The following CEP128 variants were observed in gnomAD, a reference collection of about 807,000 sequenced individuals.
CEP128 encodes the protein centrosomal protein 128kDa.
A neutral mutation model predicts 156.7 loss-of-function variants in CEP128; 132 were observed. The observed-to-expected ratio is 0.84, with a 90% confidence interval of 0.73 to 0.97. CEP128 has a LOEUF of 0.97. Ranked by LOEUF, CEP128 falls within the 50% of genes least tolerant of loss-of-function variation. The pLI is 0.00. For synonymous variants in CEP128, 469 were observed against 448.9 expected, an observed-to-expected ratio of 1.04 and a Z score of -0.57; for missense variants, 1,252 against 1,281.9, an observed-to-expected ratio of 0.98 and a Z score of 0.36.
intron 19 of CEP128, among the ~76,000 whole-genome samples, chr14:80,613,550 C>A (rs897750060): frequency 2.0e-5 from 3 of 151,700 alleles, no homozygotes; most frequent in African/African-American, 4.8e-5. Context: ...ACCTTGTGAT[C>A]CACCTGCCTC....
At chr14:80,642,850 G>A (rs756260106) in intron 19 of CEP128, among the ~76,000 whole-genome samples, 1 of 151,662 alleles carries the variant, frequency 6.6e-6, no homozygotes, top group Non-Finnish European at 1.5e-5. Context: ...CAGCCTCCCA[G>A]TTCAGGCAAT....
intron 9 of CEP128, among the ~76,000 whole-genome samples, chr14:80,850,260 A>G (rs992172410): frequency 6.6e-6 from 1 of 152,152 alleles, no homozygotes; most frequent in African/African-American, 2.4e-5. Flanking sequence ...AGTTAATTAG[A>G]TTTTTTTCAT....
intron 9 of CEP128, among the ~76,000 whole-genome samples, chr14:80,848,929 AC>A (rs1206939762): frequency 1.3e-5 from 2 of 152,076 alleles, no homozygotes; most frequent in Middle Eastern, 3.4e-3. Context: ...CAAAAAAAAA[AC>A]AAAAGAAACC....
chr14:80,649,890 G>T (rs1454964029), intron 19 of CEP128, among the ~76,000 whole-genome samples: 1 of 152,090 alleles, frequency 6.6e-6, no homozygotes, highest in African/African-American at 2.4e-5. Context: ...GATTGTCTCG[G>T]CTATGTGGGC....
Position 80,504,957 on chromosome 14 carries a change from C to A in CEP128, c.3136G>T (p.Asp1046Tyr), listed in dbSNP as rs1383642957. The A allele has an allele frequency of 6.2e-7, 1 of 1,606,688 alleles. No homozygotes were observed. The part of the protein sequence containing the change: ...RGLDHSSSWQ[D>Y]HSRFLSSPRF... ...GGACTAGACAGGAAGCGACTGTGAT[C>A]CTGCCAAGAGGATGAGTGATCTAAC... The change falls in exon 24 of 25, where the codon GAT becomes TAT. Residue 1046 changes from aspartate to tyrosine, a missense_variant. Transcript: ENST00000555265.
chr14:80,717,408 A>C (rs546113154), intron 19 of CEP128, among the ~76,000 whole-genome samples: 1 of 152,320 alleles, frequency 6.6e-6, no homozygotes, highest in Non-Finnish European at 1.5e-5. Context: ...GGTCAATTCA[A>C]ATCAGCTGGC....
chr14:80,743,234 CTT>C lies in CEP128; in HGVS notation c.2645_2646del (p.Lys882ArgfsTer25), dbSNP rs750150275. 6.2e-7 allele frequency: 1 copy of C among 1,613,282 alleles called. No homozygotes were observed. The highest frequency in any genetic ancestry group is 8.5e-7 in the Non-Finnish European group (1 of 1,179,638). On this transcript the variant is annotated frameshift_variant, in exon 19 of 25. Transcript: ENST00000555265. LOFTEE classifies it high-confidence loss of function. ...TKLQWLCEEL[K>X]ERENREKNLR... ...AGATTTTTCTCTCTGTTTTCTCTCT[CTT>C]TCAGTTCCTCACAGAGCCACTGAAG...
In CEP128 at chr14:80,560,141, G is replaced by A. The variant is rs370777086; in HGVS notation, c.2857-839C>T. Among the ~76,000 whole-genome samples the A allele has an allele frequency of 1.5e-3, 225 of 152,238 alleles. 1 individual carries two copies. The highest frequency in any genetic ancestry group is 5.1e-3 in the African/African-American group (214 of 41,564). ...GTTTTCTCTTATTTTAAGAACTGGA[G>A]GAGGTCAGGTGCAATGCCTCACACC... On this transcript the variant is annotated intron_variant, in intron 20 of 24. Coordinates refer to ENST00000555265, the MANE Select transcript of CEP128 (RefSeq NM_152446.5).
At chr14:80,891,435 A>C (rs1889094434) in intron 8 of CEP128, among the ~76,000 whole-genome samples, 1 of 152,108 alleles carries the variant, frequency 6.6e-6, no homozygotes, top group Non-Finnish European at 1.5e-5. Context: ...CATTATGTTA[A>C]GTGAAATAAG....
intron 8 of CEP128, among the ~76,000 whole-genome samples, chr14:80,888,953 G>A (rs1026149666): frequency 6.6e-6 from 1 of 151,856 alleles, no homozygotes; most frequent in African/African-American, 2.4e-5. Flanking sequence ...AAAATCAATG[G>A]GCAAAAATCA....
intron 13 of CEP128, among the ~76,000 whole-genome samples, chr14:80,798,313 A>C (rs1456437668): frequency 6.6e-6 from 1 of 152,230 alleles, no homozygotes; most frequent in Non-Finnish European, 1.5e-5. Context: ...TAATTATGTT[A>C]AGATTTATTA....
intron 2 of CEP128, chr14:80,955,686 G>T (rs750257586): frequency 2.5e-6 from 4 of 1,613,892 alleles, no homozygotes; most frequent in African/African-American, 2.7e-5. Context: ...GGAAAATGAG[G>T]CCGGCGGACT....
intron 2 of CEP128, among the ~76,000 whole-genome samples, chr14:80,954,561 A>G (rs1334496503): frequency 6.6e-6 from 1 of 152,170 alleles, no homozygotes; most frequent in East Asian, 1.9e-4. Context: ...TTTCTAGTCA[A>G]TCTTTCCTAA....
intron 19 of CEP128, among the ~76,000 whole-genome samples, chr14:80,722,262 C>T (rs930650220): frequency 4.6e-5 from 7 of 152,070 alleles, no homozygotes; most frequent in Non-Finnish European, 7.4e-5. Context: ...AAACACCCAG[C>T]GTCATGCCAT....
At chr14:80,538,688 T>C (rs967406723) in intron 21 of CEP128, among the ~76,000 whole-genome samples, 1 of 152,212 alleles carries the variant, frequency 6.6e-6, no homozygotes, top group Non-Finnish European at 1.5e-5. Context: ...TCAGCACGCA[T>C]ATCATCAACT....
At chr14:80,830,038 C>T (rs893085079) in intron 13 of CEP128, 10 of 383,892 alleles carry the variant, frequency 2.6e-5, no homozygotes, top group African/African-American at 2.1e-4. Flanking sequence ...ATCCAACATA[C>T]TTTCTTTTTA....
chr14:80,697,835 A>C (rs1896940927), intron 19 of CEP128, among the ~76,000 whole-genome samples: 1 of 151,950 alleles, frequency 6.6e-6, no homozygotes, highest in Non-Finnish European at 1.5e-5. Flanking sequence ...AACCAGATAC[A>C]CTTCAACATT....
chr14:80,587,449 C>G (rs759552450), intron 19 of CEP128, among the ~76,000 whole-genome samples: 1 of 152,120 alleles, frequency 6.6e-6, no homozygotes, highest in Non-Finnish European at 1.5e-5. Context: ...GTAAAACATC[C>G]AAATACAGGT....
chr14:80,539,409 C>T (rs1236955888), intron 21 of CEP128, among the ~76,000 whole-genome samples: 2 of 152,110 alleles, frequency 1.3e-5, no homozygotes, highest in African/African-American at 2.4e-5. Context: ...CGGCTGGAGC[C>T]GCGGCAGAGG....
Sources: gnomAD v4.1 joint callset for allele counts (sites outside exome capture counted in the v4.1 genomes callset) on GRCh38, gnomAD v4.1.1 for gene constraint, MANE v1.5 for transcripts, NCBI Gene and HGNC (gene_info 2026-07-23, HGNC 2026-07-21) for gene names.